Variants in PTPRN2 observed in about 807,000 individuals in gnomAD.
PTPRN2 encodes the protein receptor-type tyrosine-protein phosphatase N2.
A neutral mutation model predicts 118.8 loss-of-function variants in PTPRN2; 74 were observed. The observed-to-expected ratio is 0.62, with a 90% CI of 0.52 to 0.76. The LOEUF (loss-of-function observed/expected upper bound fraction) is 0.76, where lower values mean the gene tolerates loss of function less well. PTPRN2 is among the 30% of genes least tolerant of loss of function. The pLI is 0.00. For missense variants in PTPRN2, 1,481 were observed against 1,394.4 expected, an observed-to-expected ratio of 1.06 and a Z score of -0.99; for synonymous variants, 641 against 608.0, an observed-to-expected ratio of 1.05 and a Z score of -0.80.
chr7:157,695,461 T>G (rs1343564853), intron 12 of PTPRN2, among the ~76,000 whole-genome samples: 2 of 152,058 alleles, frequency 1.3e-5, no homozygotes, highest in East Asian at 3.8e-4. Flanking sequence ...TATTTACTAT[T>G]ATAATATAAA....
intron 13 of PTPRN2, among the ~76,000 whole-genome samples, chr7:157,664,091 C>T (rs537687264): frequency 6.6e-6 from 1 of 152,188 alleles, no homozygotes; most frequent in Non-Finnish European, 1.5e-5. Flanking sequence ...TTTCCCCTCC[C>T]AAGACTAGAA....
At chr7:157,725,707 C>CTA (rs1799542794) in intron 12 of PTPRN2, among the ~76,000 whole-genome samples, 3,301 of 85,762 alleles carry the variant, frequency 0.038, 47 homozygotes, top group East Asian at 0.11. Flanking sequence ...AACTGGATAT[C>CTA]CACATGCAGA....
At chr7:157,685,309 C>T (rs1057445044) in intron 12 of PTPRN2, among the ~76,000 whole-genome samples, 12 of 152,114 alleles carry the variant, frequency 7.9e-5, no homozygotes, top group Non-Finnish European at 1.5e-4. Context: ...GATGACTGCG[C>T]CCGGGAACAG....
chr7:157,816,075 T>A (rs751120907), intron 12 of PTPRN2, among the ~76,000 whole-genome samples: 10 of 152,126 alleles, frequency 6.6e-5, no homozygotes, highest in Non-Finnish European at 1.3e-4. Context: ...CATGCTCCCC[T>A]CATATATACA....
At chr7:157,908,060 C>T (rs1156704961) in intron 11 of PTPRN2, among the ~76,000 whole-genome samples, 3 of 152,234 alleles carry the variant, frequency 2.0e-5, no homozygotes, top group African/African-American at 4.8e-5. Flanking sequence ...CAGCACAGCG[C>T]GCCTGGTGAG....
chr7:157,893,242 C>G lies in PTPRN2; in HGVS notation c.1788+5431G>C, dbSNP rs546800695. Among the ~76,000 whole-genome samples the G allele has an allele frequency of 1.6e-4, 25 of 152,290 alleles. 1 individual carries two copies. In the South Asian group the frequency reaches 2.3e-3, roughly 14 times the overall value. On this transcript the variant is annotated intron_variant, in intron 12 of 22. Coordinates refer to ENST00000389418, the MANE Select transcript of PTPRN2 (RefSeq NM_002847.5). The surrounding 1 kb of genome is among the most constrained non-coding windows in gnomAD (Gnocchi z 4.0). ...ATTTTCTGTCCCAGGGATGACGGAG[C>G]CTCTGCCCCTGGGAATGGCAAGGTC...
chr7:157,939,899 A>T (rs1799940406), intron 11 of PTPRN2, among the ~76,000 whole-genome samples: 1 of 152,184 alleles, frequency 6.6e-6, no homozygotes, highest in Admixed American at 6.5e-5. Flanking sequence ...AGCAGAGTGG[A>T]GGCAATGCTT....
intron 11 of PTPRN2, among the ~76,000 whole-genome samples, chr7:157,957,715 A>G (rs1801272921): frequency 6.6e-6 from 1 of 152,076 alleles, no homozygotes; most frequent in African/African-American, 2.4e-5. Context: ...TAGAAAACCG[A>G]CCCCACCAGG....
At chr7:158,503,011 G>A (rs111629589) in intron 1 of PTPRN2, among the ~76,000 whole-genome samples, 6 of 144,676 alleles carry the variant, frequency 4.1e-5, no homozygotes, top group Middle Eastern at 3.6e-3. Context: ...CAGCCACTGT[G>A]TCCATCAACT....
intron 9 of PTPRN2, among the ~76,000 whole-genome samples, chr7:158,120,285 C>T (rs757082917): frequency 6.6e-6 from 1 of 152,112 alleles, no homozygotes; most frequent in Non-Finnish European, 1.5e-5. Context: ...CACAATAGCA[C>T]AAATGTTAAC....
At chr7:158,343,397 C>T (rs1312776905) in intron 2 of PTPRN2, among the ~76,000 whole-genome samples, 2 of 152,160 alleles carry the variant, frequency 1.3e-5, no homozygotes, top group African/African-American at 4.8e-5. Context: ...CGAAACGAAG[C>T]AAAACCGAAA....
At chr7:158,138,194 G>T in intron 7 of PTPRN2, 100 bp downstream of exon 7, 2 of 1,017,264 alleles carry the variant, frequency 2.0e-6, no homozygotes, top group African/African-American at 1.6e-5. Flanking sequence ...CCAGCAGAAA[G>T]CCCACATTGC....
intron 5 of PTPRN2, among the ~76,000 whole-genome samples, chr7:158,177,294 G>GT (rs1370363621): frequency 1.3e-5 from 2 of 152,086 alleles, no homozygotes; most frequent in Admixed American, 1.3e-4. Context: ...ACATGAAGTG[G>GT]TTGTTCTTTA....
intron 12 of PTPRN2, among the ~76,000 whole-genome samples, 197 bp from the exon 13 acceptor site, chr7:157,683,134 C>T (rs1223803237): frequency 1.3e-5 from 2 of 152,246 alleles, no homozygotes; most frequent in African/African-American, 4.8e-5. Context: ...AATAGCACAT[C>T]GCAGATTGCA....
At chr7:158,103,385 G>T (rs1394750849) in intron 10 of PTPRN2, among the ~76,000 whole-genome samples, 4 of 152,214 alleles carry the variant, frequency 2.6e-5, no homozygotes, top group African/African-American at 9.6e-5. Flanking sequence ...TAAAATAACA[G>T]CAGTAGGAAA....
In PTPRN2 at chr7:158,205,241, C is replaced by T. The variant is rs778723412; in HGVS notation, c.310G>A (p.Val104Met). The T allele has an allele frequency of 1.9e-6, 3 of 1,614,100 alleles. No individual in the cohort carries two copies. Among genetic ancestry groups the T allele is most frequent in the South Asian group, 2.2e-5 (2 of 91,070 alleles). Residue 104 changes from valine to methionine, a missense_variant, in exon 4 of 23, where the codon GTG becomes ATG. Transcript: ENST00000389418. ...FTWQDDYTQY[V>M]MDQELADLPK... ...AGGTCTGCAAGTTCCTGGTCCATCA[C>T]ATACTGAGTATAGTCATCCTGCCAC...
chr7:158,282,185 T>TC (rs1012930170), intron 3 of PTPRN2, among the ~76,000 whole-genome samples: 53 of 151,532 alleles, frequency 3.5e-4, no homozygotes, highest in Admixed American at 1.6e-3. Context: ...TGCCTTTTTT[T>TC]TTTTTTTTCC....
intron 6 of PTPRN2, among the ~76,000 whole-genome samples, chr7:158,163,755 G>A (rs377455509): frequency 1.8e-3 from 271 of 150,668 alleles, no homozygotes; most frequent in African/African-American, 6.4e-3. Context: ...CTATTTCATA[G>A]GTGACGCCTG....
At chr7:157,736,734 C>T (rs1800319983) in intron 12 of PTPRN2, among the ~76,000 whole-genome samples, 2 of 148,450 alleles carry the variant, frequency 1.3e-5, no homozygotes, top group Admixed American at 6.7e-5. Flanking sequence ...TTGGTGTCCG[C>T]CCCTGGCCAC....
Sources: gnomAD v4.1 joint callset for allele counts (sites outside exome capture counted in the v4.1 genomes callset) on GRCh38, gnomAD v4.1.1 for gene constraint, Gnocchi (gnomAD v3.1) non-coding constraint, MANE v1.5 for transcripts, NCBI Gene and HGNC (gene_info 2026-07-23, HGNC 2026-07-21) for gene names.